Variants in DPP6 observed in about 807,000 individuals in gnomAD.
DPP6 encodes the protein dipeptidyl peptidase like 6.
Under a neutral mutation model 122.6 loss-of-function variants are expected in DPP6, and 69 were observed. The ratio of observed to expected loss-of-function variants is 0.56; its 90% confidence interval spans 0.46 to 0.69. The LOEUF is 0.69. DPP6 is among the 30% of genes least tolerant of loss of function. The probability of loss-of-function intolerance (pLI) is 0.00; values close to 1 mark genes in which losing one functional copy is unlikely to be tolerated. For missense variants in DPP6, 928 were observed against 1,116.9 expected (o/e 0.83, Z 2.41); for synonymous variants, 418 against 433.1 (o/e 0.97, Z 0.43).
intron 1 of DPP6, among the ~76,000 whole-genome samples, chr7:154,359,966 C>T (rs1427246587): frequency 1.3e-5 from 2 of 152,160 alleles, no homozygotes; most frequent in Non-Finnish European, 1.5e-5. Flanking sequence ...CAGAAATGAT[C>T]GAGCTGCGAG....
intron 1 of DPP6, among the ~76,000 whole-genome samples, chr7:154,310,614 T>C (rs1332811060): frequency 6.6e-6 from 1 of 152,206 alleles, no homozygotes; most frequent in Non-Finnish European, 1.5e-5. Flanking sequence ...CCCCTCATTC[T>C]CAATACTGTG....
At chr7:153,907,891 C>G (rs964230487) in intron 1 of DPP6, among the ~76,000 whole-genome samples, 4 of 152,080 alleles carry the variant, frequency 2.6e-5, no homozygotes, top group African/African-American at 9.7e-5. Context: ...GACTGATACA[C>G]TAGGAAAGCA....
chr7:154,271,882 C>T (rs185935792), intron 1 of DPP6, among the ~76,000 whole-genome samples: 14 of 152,236 alleles, frequency 9.2e-5, no homozygotes, highest in South Asian at 2.1e-4. Flanking sequence ...CCTTTATCTC[C>T]GGGGTTTCCT....
chr7:154,766,587 G>A (rs1430048170), intron 8 of DPP6, among the ~76,000 whole-genome samples: 3 of 152,188 alleles, frequency 2.0e-5, no homozygotes, highest in South Asian at 2.1e-4. Flanking sequence ...GATTAAAGGC[G>A]TGTCTCTAAG....
chr7:153,756,996 CTCAAATGCAGTATT>C, the DPP6 span, among the ~76,000 whole-genome samples: 1 of 151,996 alleles, frequency 6.6e-6, no homozygotes, highest in African/African-American at 2.4e-5. Context: ...AAAGTTATAC[CTCAAATGCAGTATT>C]TCAATTATCT....
At chr7:153,818,027 G>A in the DPP6 span, among the ~76,000 whole-genome samples, 21 of 152,042 alleles carry the variant, frequency 1.4e-4, no homozygotes, top group Non-Finnish European at 2.9e-4. Context: ...ACAAAAGTTT[G>A]TCCATCCAGA....
At chr7:153,986,663 G>A (rs541020314) in intron 1 of DPP6, among the ~76,000 whole-genome samples, 15 of 152,278 alleles carry the variant, frequency 9.9e-5, no homozygotes, top group East Asian at 1.9e-4. Context: ...AGCAGGAATC[G>A]TTGGTGAACT....
intron 5 of DPP6, among the ~76,000 whole-genome samples, chr7:154,573,624 C>T (rs1831270326): frequency 6.6e-6 from 1 of 152,234 alleles, no homozygotes; most frequent in African/African-American, 2.4e-5. Context: ...TTGTCAGCAT[C>T]TTGCCTGACA....
rs564437966 is a variant in DPP6, at chr7:154,337,518, C to T, written c.244-108696C>T. Among the ~76,000 whole-genome samples the T allele has an allele frequency of 1.6e-4, 24 of 152,304 alleles. 1 individual carries two copies. In the South Asian group the frequency reaches 4.1e-3, roughly 26 times the overall value. On this transcript the variant is annotated intron_variant, in intron 1 of 25. Transcript: ENST00000377770. ...ATCCACACAGTAGATACATCCCTAC[C>T]GGACTCAGTGGCAAATTATGACACA... is the stretch of plus-strand genomic sequence containing the variant.
At chr7:153,759,943 CTCTCTCTCTG>C in the DPP6 span, among the ~76,000 whole-genome samples, 1 of 147,894 alleles carries the variant, frequency 6.8e-6, no homozygotes, top group East Asian at 1.9e-4. Context: ...CTGTTTCTGT[CTCTCTCTCTG>C]TCTCTCTCTG....
chr7:154,407,168 G>T (rs1816186225), intron 1 of DPP6, among the ~76,000 whole-genome samples: 1 of 152,118 alleles, frequency 6.6e-6, no homozygotes, highest in Non-Finnish European at 1.5e-5. Flanking sequence ...TTATAATTGT[G>T]CTGCCAACCT....
intron 1 of DPP6, among the ~76,000 whole-genome samples, chr7:154,195,621 C>T (rs1197861120): frequency 1.3e-5 from 2 of 152,192 alleles, no homozygotes; most frequent in Admixed American, 6.5e-5. Flanking sequence ...GCACTAGACA[C>T]CTGAGGAGGG....
intron 5 of DPP6, among the ~76,000 whole-genome samples, chr7:154,625,593 C>G (rs1835013798): frequency 6.6e-6 from 1 of 151,740 alleles, no homozygotes; most frequent in African/African-American, 2.4e-5. Context: ...AGCACCATCT[C>G]TTTGTCTGTT....
chr7:153,827,907 TG>T, the DPP6 span, among the ~76,000 whole-genome samples: 1 of 152,130 alleles, frequency 6.6e-6, no homozygotes, highest in Non-Finnish European at 1.5e-5. Context: ...TACCCTCCAC[TG>T]GGGGTTGTCC....
intron 6 of DPP6, among the ~76,000 whole-genome samples, chr7:154,649,376 C>A (rs1050763769): frequency 1.3e-5 from 2 of 152,200 alleles, no homozygotes; most frequent in African/African-American, 4.8e-5. Flanking sequence ...ACGTGTTTTC[C>A]TTTCTCTTGG....
At chr7:154,197,307 A>G (rs944042019) in intron 1 of DPP6, among the ~76,000 whole-genome samples, 3 of 151,996 alleles carry the variant, frequency 2.0e-5, no homozygotes, top group Admixed American at 6.6e-5. Flanking sequence ...GGGGAATACC[A>G]GACTCTAGCT....
At chr7:153,964,337 T>C (rs1019545373) in intron 1 of DPP6, among the ~76,000 whole-genome samples, 2 of 152,110 alleles carry the variant, frequency 1.3e-5, no homozygotes, top group African/African-American at 2.4e-5. Context: ...TGCTCCAGAG[T>C]TGTTGAAATG....
chr7:154,151,944 C>T (rs1369286263), intron 1 of DPP6, among the ~76,000 whole-genome samples: 4 of 151,374 alleles, frequency 2.6e-5, no homozygotes, highest in Non-Finnish European at 5.9e-5. Flanking sequence ...CAACCCCACA[C>T]ATTTGAGTTT....
At chr7:154,188,346 G>A (rs978269056) in intron 1 of DPP6, among the ~76,000 whole-genome samples, 2 of 152,138 alleles carry the variant, frequency 1.3e-5, no homozygotes, top group Non-Finnish European at 2.9e-5. Context: ...GCTACACCGA[G>A]GTCTAATCAG....
Sources: gnomAD v4.1 joint callset for allele counts (sites outside exome capture counted in the v4.1 genomes callset) on GRCh38, gnomAD v4.1.1 for gene constraint, MANE v1.5 for transcripts, NCBI Gene and HGNC (gene_info 2026-07-23, HGNC 2026-07-21) for gene names.